Variants in UVRAG observed in about 807,000 individuals in gnomAD.
The protein encoded by UVRAG is UV radiation resistance associated.
UVRAG carries 19 observed loss-of-function variants against 78.0 expected under a neutral mutation model. That is an observed-to-expected ratio of 0.24 (90% CI 0.17 to 0.36). The LOEUF (loss-of-function observed/expected upper bound fraction) is 0.36. UVRAG is among the 10% of genes least tolerant of loss of function. The pLI is 1.00. For missense variants in UVRAG, 740 were observed against 853.8 expected, an observed-to-expected ratio of 0.87 and a Z score of 1.66; for synonymous variants, 323 against 324.6, an observed-to-expected ratio of 1.00 and a Z score of 0.05.
intron 12 of UVRAG, among the ~76,000 whole-genome samples, chr11:76,018,922 T>A (rs1220570871): frequency 1.3e-5 from 2 of 152,206 alleles, no homozygotes; most frequent in African/African-American, 4.8e-5. Flanking sequence ...TATTCCTTTC[T>A]ACTCCTATCT....
chr11:75,949,375 C>T (rs749541760), intron 6 of UVRAG, among the ~76,000 whole-genome samples: 1 of 152,046 alleles, frequency 6.6e-6, no homozygotes. Flanking sequence ...TACTCTCATT[C>T]TCGCAGTCTT....
At chr11:76,122,255 G>A (rs1343126278) in intron 14 of UVRAG, among the ~76,000 whole-genome samples, 1 of 152,206 alleles carries the variant, frequency 6.6e-6, no homozygotes, top group East Asian at 1.9e-4. Context: ...ACATTTCAGT[G>A]GAGAGTGGAT....
At chr11:75,908,165 A>G (rs1157678705) in intron 5 of UVRAG, among the ~76,000 whole-genome samples, 3 of 152,204 alleles carry the variant, frequency 2.0e-5, no homozygotes, top group African/African-American at 2.4e-5. Flanking sequence ...ATATGAATGA[A>G]TGAATGAATG....
At chr11:75,982,375 G>A (rs1390337349) in intron 7 of UVRAG, among the ~76,000 whole-genome samples, 1 of 152,212 alleles carries the variant, frequency 6.6e-6, no homozygotes, top group African/African-American at 2.4e-5. Flanking sequence ...CTGGGAGGAG[G>A]AGAGATGCCT....
At position 75,961,866 on chromosome 11, in the gene UVRAG, G is replaced by GA. The variant is rs904734394; in HGVS notation, c.699+327dup. Among the ~76,000 whole-genome samples, 47 of 148,108 alleles carry GA rather than the reference G, an allele frequency of 3.2e-4. No individual in the cohort carries two copies. The East Asian group carries it at 4.7e-3, about 15-fold the overall frequency. On this transcript the variant is annotated intron_variant, in intron 7 of 14. Coordinates refer to ENST00000356136, the MANE Select transcript of UVRAG (RefSeq NM_003369.4). ...GCGAATGAAAAATAGCCGCCAGGAG[G>GA]AAAAAAAAAATGGGAGCTAATCTAC...
chr11:76,131,473 G>A (rs75123221), intron 14 of UVRAG, among the ~76,000 whole-genome samples: 1,557 of 152,314 alleles, frequency 0.01, 31 homozygotes, highest in African/African-American at 0.035. Flanking sequence ...TCTTTTGCCT[G>A]TGGAACTTTC....
chr11:76,001,531 A>G (rs1442239523), intron 8 of UVRAG, among the ~76,000 whole-genome samples: 1 of 152,240 alleles, frequency 6.6e-6, no homozygotes, highest in Non-Finnish European at 1.5e-5. Context: ...TGAAAAGATC[A>G]CTAAAATTGA....
intron 3 of UVRAG, among the ~76,000 whole-genome samples, chr11:75,877,661 C>T (rs1418347934): frequency 2.2e-5 from 3 of 136,792 alleles, no homozygotes; most frequent in African/African-American, 8.4e-5. Flanking sequence ...CAGAGGGGCT[C>T]CTCACTTCCC....
At chr11:75,818,752 C>G (rs1458793926) in intron 1 of UVRAG, among the ~76,000 whole-genome samples, 1 of 152,206 alleles carries the variant, frequency 6.6e-6, no homozygotes, top group Non-Finnish European at 1.5e-5. Context: ...GCTAGAATTA[C>G]AAGTGTGAGC....
intron 4 of UVRAG, among the ~76,000 whole-genome samples, chr11:75,885,603 T>G (rs552123046): frequency 1.3e-5 from 2 of 152,244 alleles, no homozygotes; most frequent in African/African-American, 4.8e-5. Flanking sequence ...AAGTATGCTG[T>G]TTTTCGTAAA....
At chr11:76,080,350 G>C (rs1951473299) in intron 13 of UVRAG, among the ~76,000 whole-genome samples, 1 of 152,078 alleles carries the variant, frequency 6.6e-6, no homozygotes, top group Non-Finnish European at 1.5e-5. Context: ...TAATTTTAAA[G>C]GCACCAAACA....
chr11:76,128,804 G>T (rs1003452016), intron 14 of UVRAG, among the ~76,000 whole-genome samples: 3 of 152,026 alleles, frequency 2.0e-5, no homozygotes, highest in Non-Finnish European at 4.4e-5. Context: ...GTTTAAGCTC[G>T]ATTTAGATAT....
chr11:75,844,818 C>G (rs1164736629), intron 1 of UVRAG, among the ~76,000 whole-genome samples: 1 of 151,932 alleles, frequency 6.6e-6, no homozygotes, highest in Non-Finnish European at 1.5e-5. Flanking sequence ...GAACTACATT[C>G]ATGTGCCACC....
chr11:75,891,210 T>C (rs1947207413), intron 5 of UVRAG, among the ~76,000 whole-genome samples: 1 of 152,200 alleles, frequency 6.6e-6, no homozygotes, highest in Non-Finnish European at 1.5e-5. Flanking sequence ...CCTGTAAGCT[T>C]TTGAAGGACA....
chr11:75,948,167 G>C (rs1032753842), intron 6 of UVRAG, among the ~76,000 whole-genome samples: 10 of 152,076 alleles, frequency 6.6e-5, no homozygotes, highest in African/African-American at 2.4e-4. Flanking sequence ...TTTGTATAAA[G>C]AGCTCAAATT....
At chr11:75,848,661 A>G (rs1295793701) in intron 1 of UVRAG, among the ~76,000 whole-genome samples, 1 of 152,222 alleles carries the variant, frequency 6.6e-6, no homozygotes, top group Non-Finnish European at 1.5e-5. Context: ...CATGTGTCAT[A>G]AAGTTATTCT....
At chr11:75,870,664 C>T (rs1946627800) in intron 3 of UVRAG, among the ~76,000 whole-genome samples, 1 of 152,104 alleles carries the variant, frequency 6.6e-6, no homozygotes, top group Non-Finnish European at 1.5e-5. Context: ...GGCTTTAGGA[C>T]ATACATCAGG....
chr11:76,060,089 G>C (rs983830362), intron 12 of UVRAG, among the ~76,000 whole-genome samples: 1 of 152,142 alleles, frequency 6.6e-6, no homozygotes, highest in African/African-American at 2.4e-5. Flanking sequence ...GTTTATAACA[G>C]TGTATCTTTT....
intron 11 of UVRAG, among the ~76,000 whole-genome samples, chr11:76,009,219 T>G (rs1479270051): frequency 6.6e-6 from 1 of 152,132 alleles, no homozygotes; most frequent in African/African-American, 2.4e-5. Flanking sequence ...GCAAACAAAA[T>G]CTGTTCTGTT....
Sources: gnomAD v4.1 joint callset for allele counts (sites outside exome capture counted in the v4.1 genomes callset) on GRCh38, gnomAD v4.1.1 for gene constraint, MANE v1.5 for transcripts, NCBI Gene and HGNC (gene_info 2026-07-23, HGNC 2026-07-21) for gene names.